Variants in ORC5 observed in about 807,000 individuals in gnomAD.
ORC5 encodes the protein protein phosphatase 1, regulatory subunit 117.
A neutral mutation model predicts 58.8 loss-of-function variants in ORC5; 39 were observed. That is an observed-to-expected ratio of 0.66 (90% confidence interval 0.51 to 0.87). ORC5 has a LOEUF of 0.87. Among genes scored for constraint, ORC5 ranks in the 40% least tolerant of loss-of-function variants. ORC5 has a pLI of 0.00. For synonymous variants in ORC5, 218 were observed against 177.6 expected (o/e 1.23, Z -1.81); for missense variants, 493 against 506.3 (o/e 0.97, Z 0.25).
At chr7:104,174,235 C>T (rs888819842) in intron 8 of ORC5, among the ~76,000 whole-genome samples, 2 of 152,138 alleles carry the variant, frequency 1.3e-5, no homozygotes, top group African/African-American at 4.8e-5. Context: ...TCGCTTATTT[C>T]TAAGAATCTA....
At chr7:104,184,635 A>G (rs78935468) in intron 6 of ORC5, among the ~76,000 whole-genome samples, 6,781 of 152,292 alleles carry the variant, frequency 0.045, 497 homozygotes, top group African/African-American at 0.15. Flanking sequence ...CTTCTTTGGT[A>G]TATTTTGATA....
At chr7:104,149,002 C>A (rs1469918779) in intron 12 of ORC5, among the ~76,000 whole-genome samples, 2 of 149,966 alleles carry the variant, frequency 1.3e-5, no homozygotes, top group African/African-American at 4.9e-5. Flanking sequence ...CCACTGCACT[C>A]CCACCTGGGC....
At chr7:104,126,933 C>A in intron 13 of ORC5, 40 bp from the exon 14 acceptor site, 1 of 1,403,362 alleles carries the variant, frequency 7.1e-7, no homozygotes, top group Non-Finnish European at 1.0e-6. Context: ...ATTCTCACCC[C>A]TAGATTGCTC....
chr7:104,182,252 G>C lies in ORC5; in HGVS notation c.824+1691C>G, dbSNP rs541077557. Among the ~76,000 whole-genome samples the C allele has an allele frequency of 5.9e-5, 9 of 152,322 alleles. No homozygotes were observed. In the South Asian group the frequency reaches 1.9e-3, roughly 32 times the overall value. On this transcript the variant is annotated intron_variant, in intron 8 of 13. Transcript: ENST00000297431. ...AACAAACCACTAAATGCCATAACCA[G>C]AGACAGTCGAACTGCAAAGCAGGAT...
At chr7:104,131,904 T>C (rs1291321713) in intron 13 of ORC5, among the ~76,000 whole-genome samples, 1 of 151,700 alleles carries the variant, frequency 6.6e-6, no homozygotes, top group East Asian at 1.9e-4. Flanking sequence ...CTCTCCTTTA[T>C]AGCAAATAAA....
intron 8 of ORC5, among the ~76,000 whole-genome samples, chr7:104,171,036 A>G (rs148460736): frequency 6.6e-6 from 1 of 152,154 alleles, no homozygotes; most frequent in African/African-American, 2.4e-5. Flanking sequence ...GATAACTACT[A>G]TTGCCTGAAC....
intron 6 of ORC5, 59 bp from the exon 7 acceptor site, chr7:104,184,230 T>C: frequency 8.9e-7 from 1 of 1,119,570 alleles, no homozygotes; most frequent in Non-Finnish European, 1.3e-6. Context: ...CAATTAGAAA[T>C]TTATTTTTCA....
At position 104,183,927 on chromosome 7, in the gene ORC5, C is replaced by A. The variant is rs766290860; in HGVS notation, c.824+16G>T. 5 of 1,548,298 alleles carry A rather than the reference C, an allele frequency of 3.2e-6. No individual in the cohort carries two copies. Among genetic ancestry groups the A allele is most frequent in the Middle Eastern group, 1.8e-4 (1 of 5,676 alleles). ...AAAGATATAAAAACTAGTATGCATACTAAATAGAAAATTACCTTGATATTT... is the reference window on the plus strand; with the variant it reads ...AAAGATATAAAAACTAGTATGCATAATAAATAGAAAATTACCTTGATATTT... On this transcript the variant is annotated intron_variant, in intron 8 of 13. Transcript: ENST00000297431.
chr7:104,136,148 C>T lies in ORC5; in HGVS notation c.1262+633G>A, dbSNP rs1008695688. Among the ~76,000 whole-genome samples the T allele has an allele frequency of 6.6e-6, 1 of 152,114 alleles. No homozygotes were observed. The highest frequency in any genetic ancestry group is 2.1e-4 in the South Asian group (1 of 4,824). ...CAGAATTAGCTTCATTCATTTTGCA[C>T]GACAGCCCCTGAAACACTTAAGACA... On this transcript the variant is annotated intron_variant, in intron 13 of 13. Transcript: ENST00000297431. The surrounding 1 kb of genome is among the most constrained non-coding windows in gnomAD (Gnocchi z 4.2).
intron 11 of ORC5, among the ~76,000 whole-genome samples, chr7:104,164,827 C>G (rs1416262670): frequency 6.6e-6 from 1 of 152,154 alleles, no homozygotes; most frequent in East Asian, 1.9e-4. Context: ...GCTTGGTCAC[C>G]TCAATATCTA....
chr7:104,132,472 C>T (rs562700593), intron 13 of ORC5, among the ~76,000 whole-genome samples: 17 of 152,206 alleles, frequency 1.1e-4, no homozygotes, highest in African/African-American at 4.1e-4. Flanking sequence ...GCCAGCCTTC[C>T]TTTTCTTTGG....
At chr7:104,141,594 G>A (rs1345866598) in intron 12 of ORC5, among the ~76,000 whole-genome samples, 1 of 152,010 alleles carries the variant, frequency 6.6e-6, no homozygotes, top group Non-Finnish European at 1.5e-5. Flanking sequence ...AACTATAAAT[G>A]AGCACCAAAA....
chr7:104,136,029 A>G lies in ORC5; in HGVS notation c.1262+752T>C, dbSNP rs552546285. Among the ~76,000 whole-genome samples, 1 of 152,276 alleles carries G rather than the reference A, an allele frequency of 6.6e-6. No homozygotes were observed. The highest frequency in any genetic ancestry group is 2.4e-5 in the African/African-American group (1 of 41,548). On this transcript the variant is annotated intron_variant, in intron 13 of 13. Coordinates refer to ENST00000297431, the MANE Select transcript of ORC5 (RefSeq NM_002553.4). The surrounding 1 kb of genome is among the most constrained non-coding windows in gnomAD (Gnocchi z 4.2). ...TTTGAACATTTTCCATAACACTAAG[A>G]ACACCTCTTTGTAAGGAAACTTGTA... is the stretch of plus-strand genomic sequence containing the variant.
intron 2 of ORC5, among the ~76,000 whole-genome samples, chr7:104,201,377 G>T (rs1338471921): frequency 6.6e-6 from 1 of 152,080 alleles, no homozygotes; most frequent in Non-Finnish European, 1.5e-5. Flanking sequence ...AAAGGCCCTG[G>T]TGTACCATCA....
Position 104,135,827 on chromosome 7 carries a change from A to C in ORC5, c.1262+954T>G, listed in dbSNP as rs151244382. On this transcript the variant is annotated intron_variant, in intron 13 of 13. Transcript: ENST00000297431. Reference sequence around the variant, plus strand: ...AATATATGTAAATACTTTCATGACTAATTTTTAAAGGGTGCTAAAATGGAA... The same window carrying C: ...AATATATGTAAATACTTTCATGACTCATTTTTAAAGGGTGCTAAAATGGAA... 4.9e-3 allele frequency among the ~76,000 whole-genome samples: 753 copies of C among 152,188 alleles called. 8 individuals carry two copies. The highest frequency in any genetic ancestry group is 0.017 in the African/African-American group (709 of 41,524).
rs759937664 is a variant in ORC5, at chr7:104,188,346, G to C, written c.589C>G (p.Pro197Ala). Residue 197 changes from proline to alanine, a missense_variant, in exon 6 of 14, where the codon CCA becomes GCA. Physicochemically the swap from Pro to Ala is conservative, Grantham distance 27. Transcript: ENST00000297431. ...LQKILSHDHP[P>A]EYSADFYAAY... ...GCATAGAAATCAGCTGAATACTCTG[G>C]AGGATGATCATGGGACAGGATCTTT... 3 of 1,610,564 alleles carry C rather than the reference G, an allele frequency of 1.9e-6. No individual in the cohort carries two copies. The Admixed American group carries it at 5.0e-5, about 27-fold the overall frequency.
At chr7:104,144,764 A>G (rs998821914) in intron 12 of ORC5, among the ~76,000 whole-genome samples, 26 of 152,322 alleles carry the variant, frequency 1.7e-4, no homozygotes, top group African/African-American at 6.0e-4. Flanking sequence ...CTCACAAATA[A>G]ATAAATAATG....
chr7:104,165,362 G>A, intron 10 of ORC5, 80 bp from the exon 11 acceptor site: 3 of 780,848 alleles, frequency 3.8e-6, no homozygotes, highest in East Asian at 2.6e-5. Context: ...TTAAAACATG[G>A]CACACATAAT....
chr7:104,203,027 A>G (rs952966386), intron 2 of ORC5, among the ~76,000 whole-genome samples: 1 of 152,226 alleles, frequency 6.6e-6, no homozygotes, highest in African/African-American at 2.4e-5. Flanking sequence ...GATACAGCCT[A>G]GAGGATCAGG....
Sources: gnomAD v4.1 joint callset for allele counts (sites outside exome capture counted in the v4.1 genomes callset) on GRCh38, gnomAD v4.1.1 for gene constraint, Gnocchi (gnomAD v3.1) non-coding constraint, MANE v1.5 for transcripts, NCBI Gene and HGNC (gene_info 2026-07-23, HGNC 2026-07-21) for gene names.